Variants in AUTS2 observed in about 807,000 individuals in gnomAD.
The protein encoded by AUTS2 is activator of transcription and developmental regulator AUTS2.
In AUTS2, 17 loss-of-function variants were observed where a neutral mutation model predicts 112.4. The observed-to-expected ratio is 0.15, with a 90% CI of 0.10 to 0.23. The LOEUF is 0.23. Ranked by LOEUF, AUTS2 falls within the 10% of genes least tolerant of loss-of-function variation. The probability of loss-of-function intolerance (pLI) is 1.00; values close to 1 mark genes in which losing one functional copy is unlikely to be tolerated. For synonymous variants in AUTS2, 751 were observed against 702.7 expected (o/e 1.07, Z -1.09); for missense variants, 1,510 against 1,701.6 (o/e 0.89, Z 1.98).
chr7:70,263,593 A>G (rs1333921391), intron 4 of AUTS2, among the ~76,000 whole-genome samples: 3 of 152,194 alleles, frequency 2.0e-5, no homozygotes, highest in African/African-American at 4.8e-5. Flanking sequence ...GAGCATAAAA[A>G]CTTTATTACT....
intron 1 of AUTS2, among the ~76,000 whole-genome samples, chr7:69,676,502 T>G (rs989016158): frequency 8.5e-5 from 13 of 152,240 alleles, no homozygotes; most frequent in African/African-American, 3.1e-4. Flanking sequence ...TTTCAGGTCT[T>G]GGTCTGGGGG....
At chr7:70,355,982 CT>C (rs1412404678) in intron 4 of AUTS2, among the ~76,000 whole-genome samples, 1 of 152,062 alleles carries the variant, frequency 6.6e-6, no homozygotes, top group Non-Finnish European at 1.5e-5. Context: ...CTTAGTGGGG[CT>C]TTTTTCAGTT....
Position 70,537,425 on chromosome 7 carries a change from G to A in AUTS2, c.690+101644G>A, listed in dbSNP as rs568755328. ...TGTTTTTTACACACTGCTGAAATGT[G>A]TAAAGCAGTTTGGGAGAAGAGGGCC... On this transcript the variant is annotated intron_variant, in intron 5 of 18. Transcript: ENST00000342771. Among the ~76,000 whole-genome samples the A allele has an allele frequency of 3.9e-5, 6 of 152,334 alleles. No homozygotes were observed. The South Asian group carries it at 1.2e-3, about 32-fold the overall frequency.
At chr7:70,302,720 A>G (rs1185280456) in intron 4 of AUTS2, among the ~76,000 whole-genome samples, 3 of 151,968 alleles carry the variant, frequency 2.0e-5, no homozygotes, top group Non-Finnish European at 2.9e-5. Context: ...GGTTAAGGAC[A>G]CCAAATTCTT....
At chr7:69,724,881 G>A (rs536482795) in intron 1 of AUTS2, among the ~76,000 whole-genome samples, 3 of 152,256 alleles carry the variant, frequency 2.0e-5, no homozygotes, top group East Asian at 3.9e-4. Context: ...TTATTGATTT[G>A]TATCATTACT....
Position 70,531,006 on chromosome 7 carries a change from G to A in AUTS2, c.690+95225G>A, listed in dbSNP as rs183302252. Among the ~76,000 whole-genome samples, 761 of 152,290 alleles carry A rather than the reference G, an allele frequency of 5.0e-3. 2 individuals carry two copies. The highest frequency in any genetic ancestry group is 9.2e-3 in the Non-Finnish European group (623 of 68,028). ...CTAGAAGTAGGCAGGCCTCATGGAT[G>A]TTTTTGCTGTGCAACAGACTTGAGC... On this transcript the variant is annotated intron_variant, in intron 5 of 18. Coordinates refer to ENST00000342771, the MANE Select transcript of AUTS2 (RefSeq NM_015570.4).
At chr7:70,521,025 G>T (rs1269780806) in intron 5 of AUTS2, among the ~76,000 whole-genome samples, 1 of 152,126 alleles carries the variant, frequency 6.6e-6, no homozygotes, top group Non-Finnish European at 1.5e-5. Context: ...CCCGAATTAG[G>T]AAGTTCCTCA....
intron 4 of AUTS2, among the ~76,000 whole-genome samples, chr7:70,139,286 T>C (rs1029916487): frequency 2.0e-5 from 3 of 152,174 alleles, no homozygotes; most frequent in African/African-American, 7.2e-5. Flanking sequence ...CTAAAACTGA[T>C]TTGGTATTCT....
intron 2 of AUTS2, among the ~76,000 whole-genome samples, chr7:70,041,659 T>G (rs1801252646): frequency 6.6e-6 from 1 of 152,192 alleles, no homozygotes; most frequent in Admixed American, 6.5e-5. Context: ...TTTGCCTTTT[T>G]TAAAACAATG....
intron 5 of AUTS2, among the ~76,000 whole-genome samples, chr7:70,518,835 C>T (rs1180141480): frequency 2.0e-5 from 3 of 152,128 alleles, no homozygotes. Context: ...TCCTGAGTAG[C>T]TGGCATTACA....
At chr7:70,740,074 A>G (rs1172171975) in intron 6 of AUTS2, among the ~76,000 whole-genome samples, 1 of 152,164 alleles carries the variant, frequency 6.6e-6, no homozygotes, top group Non-Finnish European at 1.5e-5. Context: ...GCAGAACCTG[A>G]TTCTCCCAGT....
At chr7:69,820,278 A>T (rs1296926785) in intron 1 of AUTS2, among the ~76,000 whole-genome samples, 2 of 152,230 alleles carry the variant, frequency 1.3e-5, no homozygotes, top group Non-Finnish European at 2.9e-5. Context: ...ATACAAAATA[A>T]TTATGAGTTC....
At chr7:70,775,214 T>A in intron 12 of AUTS2, 143 bp from the exon 13 acceptor site, 1 of 721,652 alleles carries the variant, frequency 1.4e-6, no homozygotes. Flanking sequence ...GAAAATGGGT[T>A]AATTATTCTC....
chr7:69,694,457 A>G (rs1797471973), intron 1 of AUTS2, among the ~76,000 whole-genome samples: 1 of 152,150 alleles, frequency 6.6e-6, no homozygotes, highest in Admixed American at 6.5e-5. Flanking sequence ...AGAAAACGTA[A>G]TGACATGGAA....
intron 5 of AUTS2, among the ~76,000 whole-genome samples, chr7:70,621,836 C>CCCT (rs1804688711): frequency 1.5e-5 from 1 of 67,832 alleles, no homozygotes; most frequent in Non-Finnish European, 2.8e-5. Flanking sequence ...CATAGTCATT[C>CCCT]TCTTTTTTTT....
intron 1 of AUTS2, among the ~76,000 whole-genome samples, chr7:69,668,767 A>G (rs1482820211): frequency 6.6e-6 from 1 of 152,216 alleles, no homozygotes; most frequent in African/African-American, 2.4e-5. Flanking sequence ...AGGAGGTATG[A>G]TTGGATACAA....
chr7:69,902,852 G>C (rs1343601339), intron 2 of AUTS2, among the ~76,000 whole-genome samples: 1 of 152,138 alleles, frequency 6.6e-6, no homozygotes, highest in African/African-American at 2.4e-5. Context: ...ATGTTTTTAA[G>C]TATAAATACA....
At chr7:69,635,640 G>A (rs1794485048) in intron 1 of AUTS2, among the ~76,000 whole-genome samples, 1 of 152,158 alleles carries the variant, frequency 6.6e-6, no homozygotes, top group Admixed American at 6.5e-5. Flanking sequence ...AAGTCTTAAG[G>A]ACTAAGAGGA....
Position 70,435,795 on chromosome 7 carries a change from TC to T in AUTS2, c.690+19del. 6.2e-7 allele frequency: 1 copy of T among 1,612,562 alleles called. No homozygotes were observed. Among genetic ancestry groups the T allele is most frequent in the Non-Finnish European group, 8.5e-7 (1 of 1,178,746 alleles). On this transcript the variant is annotated intron_variant, in intron 5 of 18. Transcript: ENST00000342771. The stretch of plus-strand genomic sequence containing the variant: ...CAGGAAGAGAAGGTAAGACCCCCCC[TC>T]CCCCATTGTGGGCACAGCACATAAC...
Sources: allele counts gnomAD v4.1 joint callset (sites outside exome capture counted in the v4.1 genomes callset), GRCh38; gene constraint gnomAD v4.1.1; transcripts MANE v1.5; gene names NCBI Gene and HGNC (gene_info 2026-07-23, HGNC 2026-07-21).